Variants in AHI1 observed in about 807,000 individuals in gnomAD.
The protein encoded by AHI1 is Abelson helper integration site 1.
A neutral mutation model predicts 149.3 loss-of-function variants in AHI1; 123 were observed. That is an observed-to-expected ratio of 0.82 (90% CI 0.71 to 0.96). The LOEUF (loss-of-function observed/expected upper bound fraction) is 0.96. Ranked by LOEUF, AHI1 falls within the 40% of genes least tolerant of loss-of-function variation. AHI1 has a pLI of 0.00. For synonymous variants in AHI1, 475 were observed against 459.8 expected (o/e 1.03, Z -0.42); for missense variants, 1,439 against 1,422.7 (o/e 1.01, Z -0.18).
chr6:135,464,387 G>A (rs1437066477), intron 7 of AHI1, among the ~76,000 whole-genome samples: 1 of 152,088 alleles, frequency 6.6e-6, no homozygotes, highest in Non-Finnish European at 1.5e-5. Flanking sequence ...CTACCACAGA[G>A]GTGGTAGCTA....
In AHI1 at chr6:135,455,855, T is replaced by A. The variant is rs745858851; in HGVS notation, c.1223A>T (p.Tyr408Phe). ...TCTTGATTTTAACTGTTTAAAATCA[T>A]ATGGCTGGGTCATAATAGGAAGAAT... Reference protein sequence around the residue: ...DYILPIMTQPYDFKQLKSRLP... With the variant: ...DYILPIMTQPFDFKQLKSRLP... Residue 408 changes from tyrosine to phenylalanine, a missense_variant, in exon 10 of 29, where the codon TAT (tyrosine) becomes TTT (phenylalanine). Coordinates refer to ENST00000265602, the MANE Select transcript of AHI1 (RefSeq NM_001134831.2). 6.3e-7 allele frequency: 1 copy of A among 1,596,846 alleles called. No homozygotes were observed. The highest frequency in any genetic ancestry group is 2.2e-5 in the East Asian group (1 of 44,578).
At chr6:135,355,824 G>T (rs185271733) in intron 24 of AHI1, among the ~76,000 whole-genome samples, 21 of 152,134 alleles carry the variant, frequency 1.4e-4, no homozygotes, top group Non-Finnish European at 2.6e-4. Context: ...GCTTGAACCC[G>T]GGAGACGGAC....
chr6:135,359,187 T>C (rs1434319446), intron 23 of AHI1, among the ~76,000 whole-genome samples: 3 of 152,236 alleles, frequency 2.0e-5, no homozygotes, highest in African/African-American at 4.8e-5. Flanking sequence ...AAATGAATCA[T>C]GAAACATGCA....
At chr6:135,422,720 C>T (rs909685450) in intron 20 of AHI1, among the ~76,000 whole-genome samples, 5 of 151,384 alleles carry the variant, frequency 3.3e-5, no homozygotes, top group African/African-American at 1.2e-4. Context: ...AAACTCCTGG[C>T]CTCAAGCGAT....
intron 24 of AHI1, among the ~76,000 whole-genome samples, chr6:135,329,183 GCTATA>G (rs1788158882): frequency 6.6e-6 from 1 of 152,164 alleles, no homozygotes; most frequent in Admixed American, 6.5e-5. Flanking sequence ...AATGAAGGTG[GCTATA>G]CTAAAGAATA....
chr6:135,426,191 T>C (rs1394419315), intron 20 of AHI1, among the ~76,000 whole-genome samples: 1 of 151,790 alleles, frequency 6.6e-6, no homozygotes, highest in Non-Finnish European at 1.5e-5. Flanking sequence ...TGCTAATGTC[T>C]GCTTGTAATA....
intron 8 of AHI1, among the ~76,000 whole-genome samples, chr6:135,458,782 G>T (rs186030680): frequency 6.6e-6 from 1 of 152,238 alleles, no homozygotes; most frequent in Admixed American, 6.5e-5. Flanking sequence ...GCCAAATTTT[G>T]AAGCAGCATG....
intron 27 of AHI1, among the ~76,000 whole-genome samples, chr6:135,296,043 C>T (rs979736252): frequency 6.6e-6 from 1 of 151,998 alleles, no homozygotes; most frequent in Admixed American, 6.6e-5. Flanking sequence ...TTAGTAGAGA[C>T]AAAGTTTCAC....
intron 21 of AHI1, among the ~76,000 whole-genome samples, chr6:135,406,616 C>A (rs923711598): frequency 6.6e-6 from 1 of 152,116 alleles, no homozygotes; most frequent in Non-Finnish European, 1.5e-5. Flanking sequence ...TCAATATATA[C>A]GGTGGTATCT....
At chr6:135,402,217 G>T (rs1490091419) in intron 22 of AHI1, among the ~76,000 whole-genome samples, 6 of 152,098 alleles carry the variant, frequency 3.9e-5, no homozygotes, top group Non-Finnish European at 8.8e-5. Context: ...GTACACTGCT[G>T]GTGGAATTCG....
intron 21 of AHI1, 46 bp from the exon 22 acceptor site, chr6:135,405,023 A>T (rs773247849): frequency 6.6e-7 from 1 of 1,513,456 alleles, no homozygotes; most frequent in Non-Finnish European, 9.1e-7. Flanking sequence ...AATTTCATTA[A>T]ATATTGACTG....
intron 24 of AHI1, among the ~76,000 whole-genome samples, chr6:135,352,636 G>C (rs1239980226): frequency 6.6e-6 from 1 of 150,686 alleles, no homozygotes; most frequent in Non-Finnish European, 1.5e-5. Flanking sequence ...CATATATTAG[G>C]ATTTAGCTGT....
chr6:135,492,327 A>G, intron 3 of AHI1, 36 bp from the exon 4 acceptor site: 1 of 1,469,204 alleles, frequency 6.8e-7, no homozygotes, highest in Non-Finnish European at 9.0e-7. Context: ...GTAATATGGA[A>G]CTTCCAAATA....
Position 135,455,759 on chromosome 6 carries a change from C to A in AHI1, c.1319G>T (p.Ser440Ile). 6.2e-7 allele frequency: 1 copy of A among 1,602,038 alleles called. No homozygotes were observed. Among genetic ancestry groups the A allele is most frequent in the Non-Finnish European group, 8.5e-7 (1 of 1,173,118 alleles). ...CTCAAAGAACAGGATGACTTTAGGA[C>A]TCTCATCAGAGCCTCGAAGCAAATA... is the stretch of plus-strand genomic sequence containing the variant. ...FPYLLRGSDE[S>I]PKVILFFEIL... Residue 440 changes from serine (S) to isoleucine (I), a missense_variant, in exon 10 of 29, where the codon AGT (serine) becomes ATT (isoleucine). Transcript: ENST00000265602.
At chr6:135,381,120 T>C (rs774379882) in intron 23 of AHI1, among the ~76,000 whole-genome samples, 2 of 152,114 alleles carry the variant, frequency 1.3e-5, no homozygotes, top group Non-Finnish European at 2.9e-5. Flanking sequence ...TCATTAAATC[T>C]TCACTTCAAA....
intron 26 of AHI1, among the ~76,000 whole-genome samples, chr6:135,314,687 C>G (rs1264060730): frequency 1.3e-5 from 2 of 152,288 alleles, no homozygotes; most frequent in South Asian, 2.1e-4. Flanking sequence ...CCTTACAGCA[C>G]AGGCTACTCA....
chr6:135,488,001 T>C (rs1447889568), intron 5 of AHI1, among the ~76,000 whole-genome samples: 2 of 152,170 alleles, frequency 1.3e-5, no homozygotes. Flanking sequence ...GGTGACCAGA[T>C]TCCTCAGGCT....
chr6:135,492,388 C>T, intron 3 of AHI1, 97 bp from the exon 4 acceptor site: 1 of 1,378,866 alleles, frequency 7.3e-7, no homozygotes. Flanking sequence ...ATGTCCACTA[C>T]TTCATTAAGT....
At chr6:135,293,392 C>CAAAAAAAAAAAAAAAAAAAA (rs1175955601) in intron 27 of AHI1, among the ~76,000 whole-genome samples, 1 of 20,154 alleles carries the variant, frequency 5.0e-5, no homozygotes, top group Non-Finnish European at 9.6e-5. Context: ...GTTAACAGGG[C>CAAAAAAAAAAAAAAAAAAAA]AAAAAAAAAA....
Sources: allele counts gnomAD v4.1 joint callset (sites outside exome capture counted in the v4.1 genomes callset), GRCh38; gene constraint gnomAD v4.1.1; transcripts MANE v1.5; gene names NCBI Gene and HGNC (gene_info 2026-07-23, HGNC 2026-07-21).